Variants in GNB1 observed in about 807,000 individuals in gnomAD.
The protein encoded by GNB1 is G protein subunit beta 1.
In GNB1, 2 loss-of-function variants were observed where a neutral mutation model predicts 42.9. The observed-to-expected ratio is 0.05, with a 90% CI of 0.02 to 0.15. GNB1 has a LOEUF of 0.15. Among genes scored for constraint, GNB1 ranks in the 10% least tolerant of loss-of-function variants. GNB1 has a pLI of 1.00. For synonymous variants in GNB1, 183 were observed against 174.7 expected, an observed-to-expected ratio of 1.05 and a Z score of -0.38; for missense variants, 193 against 462.2, an observed-to-expected ratio of 0.42 and a Z score of 5.34.
intron 7 of GNB1, among the ~76,000 whole-genome samples, chr1:1,798,633 C>G (rs917886082): frequency 3.9e-5 from 6 of 152,296 alleles, no homozygotes; most frequent in Non-Finnish European, 8.8e-5. Flanking sequence ...TAAGAGCAAG[C>G]GTTGAGTCTC....
Position 1,794,890 on chromosome 1 carries a change from A to G in GNB1, c.431-1579T>C, listed in dbSNP as rs1163679958. 2.6e-5 allele frequency among the ~76,000 whole-genome samples: 4 copies of G among 152,258 alleles called. No homozygotes were observed. In the South Asian group the frequency reaches 8.3e-4, roughly 32 times the overall value. On this transcript the variant is annotated intron_variant, in intron 7 of 11. Transcript: ENST00000378609. Reference sequence around the variant, plus strand: ...TTTTTAGTAGAGATGGGGTTTCACCATGTTGGTCAGGATGGTCTTGATCTC... The same window carrying G: ...TTTTTAGTAGAGATGGGGTTTCACCGTGTTGGTCAGGATGGTCTTGATCTC...
At chr1:1,887,609 G>T (rs1337142502) in intron 1 of GNB1, among the ~76,000 whole-genome samples, 1 of 152,264 alleles carries the variant, frequency 6.6e-6, no homozygotes, top group East Asian at 1.9e-4. Flanking sequence ...CAAAGTCATT[G>T]GGCATCAAAA....
chr1:1,830,575 T>C (rs7553640), intron 2 of GNB1, among the ~76,000 whole-genome samples: 127,984 of 151,818 alleles, frequency 0.84, 55,519 homozygotes, highest in Non-Finnish European at 0.95. Context: ...TAAAAAAAAT[T>C]TCTGTGAGGG....
intron 1 of GNB1, among the ~76,000 whole-genome samples, chr1:1,845,244 G>A (rs1570704805): frequency 6.6e-6 from 1 of 152,162 alleles, no homozygotes. Context: ...GGCAAATAGA[G>A]TTCTGAAATT....
chr1:1,891,064 T>A lies in GNB1; in HGVS notation c.-340A>T, dbSNP rs1650492498. ...TCCGCCCCTCAGACGCCTCCAGCCA[T>A]CGGGATGGGCGCGGCGGGCCCCTGC... On this transcript the variant is annotated 5_prime_UTR_variant, in exon 1 of 12. An upstream start codon of the reference 5' UTR is lost. Transcript: ENST00000378609. 6.6e-6 allele frequency: 1 copy of A among 150,892 alleles called. No individual in the cohort carries two copies. The highest frequency in any genetic ancestry group is 2.4e-5 in the African/African-American group (1 of 40,942). The allele number at this position is 150,892 out of a possible 1,614,324, so 9.3% of individuals were successfully genotyped here.
intron 1 of GNB1, among the ~76,000 whole-genome samples, chr1:1,861,206 C>T (rs764944718): frequency 6.6e-6 from 1 of 151,880 alleles, no homozygotes; most frequent in Non-Finnish European, 1.5e-5. Context: ...CCCATAATCC[C>T]AATATTGTGG....
chr1:1,890,647 G>A (rs1650447344), intron 1 of GNB1, among the ~76,000 whole-genome samples, 173 bp downstream of exon 1: 4 of 147,334 alleles, frequency 2.7e-5, no homozygotes, highest in African/African-American at 7.3e-5. Context: ...CCTGCACCCC[G>A]AACCTCGGAC....
chr1:1,837,246 A>G (rs541135023), intron 2 of GNB1, among the ~76,000 whole-genome samples: 2 of 150,462 alleles, frequency 1.3e-5, no homozygotes, highest in African/African-American at 2.4e-5. Context: ...TATATGATCC[A>G]TTGAGTTAAT....
At chr1:1,885,205 C>T (rs1457487967) in intron 1 of GNB1, among the ~76,000 whole-genome samples, 1 of 151,138 alleles carries the variant, frequency 6.6e-6, no homozygotes, top group Non-Finnish European at 1.5e-5. Flanking sequence ...TTGAGGTCAG[C>T]AGTTTGAGAC....
chr1:1,813,835 A>AT (rs1477614154), intron 5 of GNB1, among the ~76,000 whole-genome samples: 1 of 152,204 alleles, frequency 6.6e-6, no homozygotes, highest in Admixed American at 6.5e-5. Context: ...ACAAGTAATT[A>AT]TATGTATATT....
chr1:1,843,457 G>A (rs571369265), intron 1 of GNB1, among the ~76,000 whole-genome samples: 1 of 152,194 alleles, frequency 6.6e-6, no homozygotes, highest in East Asian at 1.9e-4. Flanking sequence ...TAACTCCTGG[G>A]CTCAAACGAT....
chr1:1,858,697 C>A (rs1648438282), intron 1 of GNB1, among the ~76,000 whole-genome samples: 1 of 152,172 alleles, frequency 6.6e-6, no homozygotes, highest in Non-Finnish European at 1.5e-5. Flanking sequence ...TCAGAGGACA[C>A]CGAAAGACAT....
intron 5 of GNB1, among the ~76,000 whole-genome samples, chr1:1,808,205 C>A (rs529049683): frequency 6.6e-6 from 1 of 151,888 alleles, no homozygotes; most frequent in Non-Finnish European, 1.5e-5. Flanking sequence ...GGTTTCTCCA[C>A]GTTAATCAGG....
At chr1:1,855,850 T>C (rs1648266611) in intron 1 of GNB1, among the ~76,000 whole-genome samples, 1 of 152,172 alleles carries the variant, frequency 6.6e-6, no homozygotes, top group Non-Finnish European at 1.5e-5. Context: ...GAGGCAATAG[T>C]GTCTACAGAA....
chr1:1,884,525 G>T (rs960131727), intron 1 of GNB1, among the ~76,000 whole-genome samples: 2 of 151,712 alleles, frequency 1.3e-5, no homozygotes, highest in Non-Finnish European at 2.9e-5. Context: ...AATTTTTTAA[G>T]CTTTATTAAC....
chr1:1,883,824 C>G (rs922808120), intron 1 of GNB1, among the ~76,000 whole-genome samples: 1 of 152,210 alleles, frequency 6.6e-6, no homozygotes, highest in Non-Finnish European at 1.5e-5. Flanking sequence ...GGCTCTAACT[C>G]AGACAGTGCC....
intron 1 of GNB1, among the ~76,000 whole-genome samples, chr1:1,863,505 C>T (rs1648743203): frequency 6.6e-6 from 1 of 152,144 alleles, no homozygotes; most frequent in African/African-American, 2.4e-5. Flanking sequence ...GTCAACAAAG[C>T]CCTTTACTGA....
intron 1 of GNB1, among the ~76,000 whole-genome samples, chr1:1,849,336 T>A (rs1647854761): frequency 6.6e-6 from 1 of 152,194 alleles, no homozygotes; most frequent in Non-Finnish European, 1.5e-5. Context: ...TGTGATGGGA[T>A]ACACTTCTGC....
intron 1 of GNB1, among the ~76,000 whole-genome samples, chr1:1,858,334 C>T (rs556609269): frequency 3.9e-5 from 6 of 152,164 alleles, no homozygotes; most frequent in Admixed American, 2.6e-4. Context: ...TCTAAAAGTC[C>T]GTTTTTAACT....
Sources: allele counts gnomAD v4.1 joint callset (sites outside exome capture counted in the v4.1 genomes callset), GRCh38; gene constraint gnomAD v4.1.1; transcripts MANE v1.5; gene names NCBI Gene and HGNC (gene_info 2026-07-23, HGNC 2026-07-21).